The following FRMD4B variants were observed in gnomAD, a reference collection of about 807,000 sequenced individuals.
The protein encoded by FRMD4B is FERM domain containing 4B, also known as FERM domain-containing protein 4B.
Under a neutral mutation model 141.5 loss-of-function variants are expected in FRMD4B, and 74 were observed. The observed-to-expected ratio is 0.52, with a 90% CI of 0.43 to 0.63. The LOEUF is 0.63. Among genes scored for constraint, FRMD4B ranks in the 30% least tolerant of loss-of-function variants. FRMD4B has a pLI of 0.00. For synonymous variants in FRMD4B, 506 were observed against 467.9 expected, an observed-to-expected ratio of 1.08 and a Z score of -1.05; for missense variants, 1,366 against 1,253.4, an observed-to-expected ratio of 1.09 and a Z score of -1.36.
At chr3:69,497,718 C>A (rs1459926624) in intron 1 of FRMD4B, among the ~76,000 whole-genome samples, 2 of 152,098 alleles carry the variant, frequency 1.3e-5, no homozygotes, top group Non-Finnish European at 2.9e-5. Flanking sequence ...CCTCATGGAA[C>A]TTTTTTTAAG....
At chr3:69,238,167 C>G (rs2093358579) in intron 7 of FRMD4B, among the ~76,000 whole-genome samples, 2 of 152,172 alleles carry the variant, frequency 1.3e-5, no homozygotes, top group Non-Finnish European at 2.9e-5. Context: ...GATAAGGAAA[C>G]TGAGATTTAG....
chr3:69,248,247 A>C (rs1031733316), intron 7 of FRMD4B, among the ~76,000 whole-genome samples: 1 of 151,394 alleles, frequency 6.6e-6, no homozygotes, highest in African/African-American at 2.4e-5. Flanking sequence ...ATGTAAATAC[A>C]CACACACACA....
At chr3:69,374,497 G>A (rs1703914107) in intron 1 of FRMD4B, among the ~76,000 whole-genome samples, 1 of 152,156 alleles carries the variant, frequency 6.6e-6, no homozygotes, top group Non-Finnish European at 1.5e-5. Context: ...GGTCTTCTTA[G>A]CAGTTGCAAA....
chr3:69,260,709 G>A (rs2093521479), intron 5 of FRMD4B, among the ~76,000 whole-genome samples: 1 of 152,254 alleles, frequency 6.6e-6, no homozygotes, highest in Admixed American at 6.5e-5. Flanking sequence ...GAAGCCAGAT[G>A]GGCCCCTGAG....
intron 5 of FRMD4B, among the ~76,000 whole-genome samples, chr3:69,264,570 GCATACC>G (rs2093548747): frequency 6.6e-6 from 1 of 152,112 alleles, no homozygotes; most frequent in Non-Finnish European, 1.5e-5. Flanking sequence ...AGAACTGTAA[GCATACC>G]TAGACAGCAA....
chr3:69,202,092 A>G (rs892452498), intron 11 of FRMD4B, among the ~76,000 whole-genome samples: 3 of 152,116 alleles, frequency 2.0e-5, no homozygotes, highest in African/African-American at 7.2e-5. Flanking sequence ...GCTCCCAGCT[A>G]TTTGGGAGAC....
At chr3:69,535,464 C>T (rs1440928247) in intron 1 of FRMD4B, among the ~76,000 whole-genome samples, 1 of 152,226 alleles carries the variant, frequency 6.6e-6, no homozygotes, top group African/African-American at 2.4e-5. Context: ...CTATCGTTAC[C>T]ATTAGTTCTA....
intron 11 of FRMD4B, among the ~76,000 whole-genome samples, chr3:69,211,749 T>C (rs1411670821): frequency 6.6e-6 from 1 of 152,170 alleles, no homozygotes; most frequent in African/African-American, 2.4e-5. Flanking sequence ...GTTTGCCAAT[T>C]TGACCTTCAT....
chr3:69,485,192 C>A (rs1048617094), intron 1 of FRMD4B, among the ~76,000 whole-genome samples: 1 of 152,204 alleles, frequency 6.6e-6, no homozygotes, highest in African/African-American at 2.4e-5. Context: ...TGCACACACC[C>A]GGCTGGGCTG....
At chr3:69,218,110 G>A (rs182294081) in intron 10 of FRMD4B, among the ~76,000 whole-genome samples, 2 of 152,256 alleles carry the variant, frequency 1.3e-5, no homozygotes, top group African/African-American at 4.8e-5. Flanking sequence ...AGCAAGCAGA[G>A]GTGTTTCGAA....
At chr3:69,325,448 T>C (rs559685148) in intron 1 of FRMD4B, among the ~76,000 whole-genome samples, 1 of 152,284 alleles carries the variant, frequency 6.6e-6, no homozygotes, top group African/African-American at 2.4e-5. Flanking sequence ...AGCCAGGTTT[T>C]AAAGGAAGAA....
At position 69,193,137 on chromosome 3, in the gene FRMD4B, T is replaced by G. The variant is rs2092858739; in HGVS notation, c.1714+511A>C. Among the ~76,000 whole-genome samples the G allele has an allele frequency of 2.0e-5, 3 of 152,190 alleles. No homozygotes were observed. In the East Asian group the frequency reaches 5.8e-4, roughly 29 times the overall value. ...TGCTCGTGCTGCCCATATCTTTAAA[T>G]AGCCTTCACAAATCACAGAAATTTT... On this transcript the variant is annotated intron_variant, in intron 17 of 22. Coordinates refer to ENST00000398540, the MANE Select transcript of FRMD4B (RefSeq NM_015123.3).
At chr3:69,450,920 A>C (rs1484783778) in intron 1 of FRMD4B, among the ~76,000 whole-genome samples, 1 of 152,234 alleles carries the variant, frequency 6.6e-6, no homozygotes. Context: ...TCCAAATTTA[A>C]ACAGTTATCT....
intron 1 of FRMD4B, among the ~76,000 whole-genome samples, chr3:69,434,401 A>G (rs1705229190): frequency 6.6e-6 from 1 of 152,238 alleles, no homozygotes; most frequent in South Asian, 2.1e-4. Flanking sequence ...AAACCAAGTC[A>G]GGGAAATAGA....
intron 1 of FRMD4B, among the ~76,000 whole-genome samples, chr3:69,454,086 G>C (rs935945166): frequency 5.3e-5 from 8 of 152,202 alleles, no homozygotes; most frequent in African/African-American, 1.9e-4. Context: ...GATTGGATGA[G>C]GAGGCAGAAC....
At chr3:69,228,359 G>C (rs576247231) in intron 7 of FRMD4B, 1 of 456,974 alleles carries the variant, frequency 2.2e-6, no homozygotes, top group Non-Finnish European at 4.4e-6. Context: ...GGCCAAGTGA[G>C]ACAGGCATTA....
chr3:69,485,735 C>T (rs1297413528), intron 1 of FRMD4B, among the ~76,000 whole-genome samples: 1 of 152,218 alleles, frequency 6.6e-6, no homozygotes, highest in Non-Finnish European at 1.5e-5. Context: ...GCAAGCTCCC[C>T]TTTGGCCCTG....
intron 1 of FRMD4B, among the ~76,000 whole-genome samples, chr3:69,499,691 CAG>C (rs149911069): frequency 5.0e-3 from 734 of 147,528 alleles, no homozygotes; most frequent in Admixed American, 5.2e-3. Context: ...AGCAGGAAGA[CAG>C]AGAGAGAGAG....
At chr3:69,458,269 C>T (rs1705649863) in intron 1 of FRMD4B, among the ~76,000 whole-genome samples, 1 of 152,110 alleles carries the variant, frequency 6.6e-6, no homozygotes, top group African/African-American at 2.4e-5. Context: ...TAGATTTTTA[C>T]ATTGGGTCAT....
Sources: gnomAD v4.1 joint callset for allele counts (sites outside exome capture counted in the v4.1 genomes callset) on GRCh38, gnomAD v4.1.1 for gene constraint, MANE v1.5 for transcripts, NCBI Gene and HGNC (gene_info 2026-07-23, HGNC 2026-07-21) for gene names.